The following NAALADL2 variants were observed in gnomAD, a reference collection of about 807,000 sequenced individuals.
The protein encoded by NAALADL2 is inactive N-acetylated-alpha-linked acidic dipeptidase-like protein 2.
Under a neutral mutation model 87.2 loss-of-function variants are expected in NAALADL2, and 76 were observed. That is an observed-to-expected ratio of 0.87 (90% CI 0.72 to 1.05). NAALADL2 has a LOEUF of 1.05. NAALADL2 is among the 50% of genes least tolerant of loss of function. The pLI, the probability that NAALADL2 is intolerant of heterozygous loss-of-function variation, is 0.00. For missense variants in NAALADL2, 1,089 were observed against 945.8 expected (o/e 1.15, Z -1.99); for synonymous variants, 354 against 331.0 (o/e 1.07, Z -0.75).
At chr3:175,302,937 G>T (rs2110235058) in intron 4 of NAALADL2, among the ~76,000 whole-genome samples, 1 of 151,772 alleles carries the variant, frequency 6.6e-6, no homozygotes, top group East Asian at 1.9e-4. Context: ...GAGATCAAGA[G>T]GAAGAGAAAA....
intron 11 of NAALADL2, among the ~76,000 whole-genome samples, chr3:175,696,045 CTG>C (rs917879667): frequency 1.4e-4 from 21 of 152,220 alleles, no homozygotes; most frequent in Non-Finnish European, 2.4e-4. Flanking sequence ...TGAAAGAAAA[CTG>C]TGGTGAAATA....
intron 4 of NAALADL2, among the ~76,000 whole-genome samples, chr3:175,283,730 T>C (rs1754620332): frequency 6.6e-6 from 1 of 152,106 alleles, no homozygotes; most frequent in South Asian, 2.1e-4. Flanking sequence ...CTGTGCGGCT[T>C]GTGAGAGACC....
intron 3 of NAALADL2, among the ~76,000 whole-genome samples, chr3:174,827,963 G>T (rs1223709748): frequency 6.6e-6 from 1 of 152,040 alleles, no homozygotes; most frequent in African/African-American, 2.4e-5. Context: ...CAAGAGGATC[G>T]CTTGAGGCCA....
chr3:175,066,750 C>G (rs1050892625), intron 1 of NAALADL2, among the ~76,000 whole-genome samples: 8 of 152,148 alleles, frequency 5.3e-5, no homozygotes, highest in African/African-American at 9.7e-5. Context: ...TTGCCCCTAT[C>G]AAAGACCTTG....
chr3:175,785,942 T>G (rs1174817306), intron 13 of NAALADL2, among the ~76,000 whole-genome samples: 1 of 151,360 alleles, frequency 6.6e-6, no homozygotes, highest in Non-Finnish European at 1.5e-5. Flanking sequence ...TGTAAAGTAT[T>G]TTATTTCTCC....
chr3:175,220,689 T>G (rs891310404), intron 2 of NAALADL2, among the ~76,000 whole-genome samples: 3 of 152,162 alleles, frequency 2.0e-5, no homozygotes, highest in Non-Finnish European at 4.4e-5. Context: ...GTCTTCATTT[T>G]TATTCATTTT....
chr3:175,169,088 G>T (rs139361487), intron 2 of NAALADL2, among the ~76,000 whole-genome samples: 1 of 150,932 alleles, frequency 6.6e-6, no homozygotes, highest in African/African-American at 2.5e-5. Context: ...TGACATTTTA[G>T]CTGATCTTCA....
chr3:174,497,733 CT>C (rs1384633192), intron 1 of NAALADL2, among the ~76,000 whole-genome samples: 1 of 152,046 alleles, frequency 6.6e-6, no homozygotes, highest in Non-Finnish European at 1.5e-5. Flanking sequence ...TAATAAATAT[CT>C]TTTGAATGAA....
chr3:174,999,982 T>C (rs1748014513), intron 1 of NAALADL2, among the ~76,000 whole-genome samples: 1 of 152,160 alleles, frequency 6.6e-6, no homozygotes, highest in South Asian at 2.1e-4. Context: ...AAAGTAATAA[T>C]AGTAAATTAG....
chr3:174,810,509 C>G (rs1197906021), intron 3 of NAALADL2, among the ~76,000 whole-genome samples: 1 of 151,066 alleles, frequency 6.6e-6, no homozygotes, highest in Non-Finnish European at 1.5e-5. Flanking sequence ...TGAGAACAAC[C>G]ATTTAGGGCA....
At chr3:175,622,428 C>A (rs912579737) in intron 10 of NAALADL2, among the ~76,000 whole-genome samples, 11 of 152,004 alleles carry the variant, frequency 7.2e-5, no homozygotes, top group Admixed American at 6.5e-4. Flanking sequence ...TATTCAGTTT[C>A]GTTTCACAGG....
intron 3 of NAALADL2, among the ~76,000 whole-genome samples, chr3:174,820,495 A>G (rs1327511679): frequency 6.6e-6 from 1 of 152,196 alleles, no homozygotes; most frequent in Non-Finnish European, 1.5e-5. Context: ...AACAGTGAGT[A>G]TATCTATAAA....
At chr3:174,698,202 G>GA (rs1418015753) in intron 2 of NAALADL2, among the ~76,000 whole-genome samples, 8 of 151,480 alleles carry the variant, frequency 5.3e-5, no homozygotes, top group Admixed American at 3.9e-4. Context: ...TTTAATACTA[G>GA]AAAAATATAG....
chr3:175,504,565 T>TTCTCTCTCTCTCTCTC (rs200985901), intron 9 of NAALADL2, among the ~76,000 whole-genome samples: 5 of 134,322 alleles, frequency 3.7e-5, no homozygotes, highest in Non-Finnish European at 8.1e-5. Context: ...CTCTCTCTGT[T>TTCTCTCTCTCTCTCTC]TCTCTCTCTC....
intron 11 of NAALADL2, among the ~76,000 whole-genome samples, chr3:175,732,657 G>C (rs937361231): frequency 6.6e-6 from 1 of 152,082 alleles, no homozygotes; most frequent in Admixed American, 6.6e-5. Flanking sequence ...TGTTGGGAGG[G>C]TGCGGGGTAA....
intron 4 of NAALADL2, among the ~76,000 whole-genome samples, chr3:175,309,052 A>C (rs1758029779): frequency 6.6e-6 from 1 of 152,204 alleles, no homozygotes; most frequent in Non-Finnish European, 1.5e-5. Flanking sequence ...ACAATTAAAT[A>C]CATTAATTTC....
At chr3:175,482,047 G>T (rs9867206) in intron 9 of NAALADL2, among the ~76,000 whole-genome samples, 1 of 151,112 alleles carries the variant, frequency 6.6e-6, no homozygotes, top group African/African-American at 2.4e-5. Flanking sequence ...CTGAGGCGAA[G>T]CTTACAGTAC....
At chr3:175,496,568 T>C (rs554124377) in intron 9 of NAALADL2, among the ~76,000 whole-genome samples, 8 of 152,234 alleles carry the variant, frequency 5.3e-5, no homozygotes, top group African/African-American at 1.9e-4. Flanking sequence ...TGGTGGTTCT[T>C]TTTTGATACA....
intron 1 of NAALADL2, among the ~76,000 whole-genome samples, chr3:174,996,993 GGTGTGTGTGTGTGTGTGTGTGTGT>G (rs34590643): frequency 1.6e-5 from 2 of 121,574 alleles, no homozygotes; most frequent in Non-Finnish European, 3.4e-5. Flanking sequence ...TATTCCAAGG[GGTGTGTGTGTGTGTGTGTGTGTGT>G]GTGTGTGTGT....
Sources: allele counts gnomAD v4.1 joint callset (sites outside exome capture counted in the v4.1 genomes callset), GRCh38; gene constraint gnomAD v4.1.1; transcripts MANE v1.5; gene names NCBI Gene and HGNC (gene_info 2026-07-23, HGNC 2026-07-21).